The following SLC12A2 variants were observed in gnomAD, a reference collection of about 807,000 sequenced individuals.
SLC12A2 encodes Na-K-2Cl cotransporter 1.
A neutral mutation model predicts 136.3 loss-of-function variants in SLC12A2; 67 were observed. The ratio of observed to expected loss-of-function variants is 0.49; its 90% CI spans 0.40 to 0.60. The LOEUF is 0.60. Ranked by LOEUF, SLC12A2 falls within the 20% of genes least tolerant of loss-of-function variation. SLC12A2 has a pLI of 0.00. For missense variants in SLC12A2, 1,322 were observed against 1,534.7 expected (o/e 0.86, Z 2.32); for synonymous variants, 619 against 562.9 (o/e 1.10, Z -1.41).
At position 128,117,587 on chromosome 5, in the gene SLC12A2, A is replaced by G. The variant is rs560313000; in HGVS notation, c.1048+2906A>G. On this transcript the variant is annotated intron_variant, in intron 4 of 26. Coordinates refer to ENST00000262461, the MANE Select transcript of SLC12A2 (RefSeq NM_001046.3). ...AATATTCCAACTTTGTATGGTTCAAAGACTTAAATCTAAGACCTGAAACCA... is the reference window on the plus strand; with the variant it reads ...AATATTCCAACTTTGTATGGTTCAAGGACTTAAATCTAAGACCTGAAACCA... Among the ~76,000 whole-genome samples the G allele has an allele frequency of 2.0e-5, 3 of 152,342 alleles. No homozygotes were observed. The South Asian group carries it at 6.2e-4, about 32-fold the overall frequency.
intron 17 of SLC12A2, among the ~76,000 whole-genome samples, chr5:128,162,877 A>G (rs1196369697): frequency 2.0e-5 from 3 of 152,236 alleles, no homozygotes; most frequent in Non-Finnish European, 4.4e-5. Flanking sequence ...CATATGGCCC[A>G]GGATGGCTTT....
chr5:128,145,446 T>A (rs1041644569), intron 10 of SLC12A2, among the ~76,000 whole-genome samples: 1 of 152,086 alleles, frequency 6.6e-6, no homozygotes, highest in African/African-American at 2.4e-5. Context: ...CTTTACAATC[T>A]CCTTCCCTAA....
At chr5:128,163,556 G>A (rs371468405) in intron 17 of SLC12A2, among the ~76,000 whole-genome samples, 6 of 151,786 alleles carry the variant, frequency 4.0e-5, no homozygotes, top group South Asian at 2.1e-4. Flanking sequence ...TCATGGCAAC[G>A]TCATTTGTAA....
At chr5:128,122,696 A>T (rs552044313) in intron 4 of SLC12A2, among the ~76,000 whole-genome samples, 12 of 152,190 alleles carry the variant, frequency 7.9e-5, no homozygotes, top group African/African-American at 2.9e-4. Context: ...ATAAGGAAAA[A>T]CTTTTTCCAC....
At chr5:128,149,953 A>T in intron 12 of SLC12A2, 44 bp from the exon 13 acceptor site, 1 of 1,284,448 alleles carries the variant, frequency 7.8e-7, no homozygotes, top group Non-Finnish European at 1.1e-6. Flanking sequence ...TAAAAAGTTA[A>T]ATGTCTAATA....
In SLC12A2 at chr5:128,178,653, A is replaced by G; in HGVS notation, c.3064A>G (p.Asn1022Asp). ...STQFQKKQGK[N>D]TIDVWWLFDD... is the part of the protein sequence containing the mutation. Reference sequence around the variant, plus strand: ...ACAGTTTCAGAAAAAACAAGGAAAGAATACTATTGATGTCTGGTGGCTTTT... The same window carrying G: ...ACAGTTTCAGAAAAAACAAGGAAAGGATACTATTGATGTCTGGTGGCTTTT... The change falls in exon 22 of 27, where the codon AAT becomes GAT. Residue 1022 changes from asparagine (N) to aspartate (D), a missense_variant. This residue lies in a region of SLC12A2 where 226 missense variants were observed against 210.4 expected (regional missense o/e 1.07). Coordinates refer to ENST00000262461, the MANE Select transcript of SLC12A2 (RefSeq NM_001046.3). 2 of 1,595,994 alleles carry G rather than the reference A, an allele frequency of 1.3e-6. No homozygotes were observed. The highest frequency in any genetic ancestry group is 1.7e-6 in the Non-Finnish European group (2 of 1,172,510).
rs1434667267 is a variant in SLC12A2 at position 128,188,397 on chromosome 5, C to A, written c.*1766C>A. 6.7e-6 allele frequency: 1 copy of A among 148,376 alleles called. No homozygotes were observed. The highest frequency in any genetic ancestry group is 6.9e-5 in the Admixed American group (1 of 14,544). 9.2% of individuals were successfully genotyped at this position (148,376 alleles called of 1,614,324 possible). Reference sequence around the variant, plus strand: ...GCGACCTCCACCTCCCCAGTTCAAGCGATTCTCCTGCCTCAGCCTCCCTAG... The same window carrying A: ...GCGACCTCCACCTCCCCAGTTCAAGAGATTCTCCTGCCTCAGCCTCCCTAG... On this transcript the variant is annotated 3_prime_UTR_variant, in exon 27 of 27. Transcript: ENST00000262461.
chr5:128,129,208 C>T (rs1761925175), intron 4 of SLC12A2, among the ~76,000 whole-genome samples: 1 of 151,910 alleles, frequency 6.6e-6, no homozygotes, highest in Non-Finnish European at 1.5e-5. Context: ...TCAGGATATA[C>T]TTTGTTTTAA....
chr5:128,165,936 T>G (rs1763190265), intron 17 of SLC12A2, among the ~76,000 whole-genome samples: 1 of 102,968 alleles, frequency 9.7e-6, no homozygotes, highest in Non-Finnish European at 2.1e-5. Flanking sequence ...CCCCCCCCAG[T>G]TAAAAATATG....
At position 128,114,581 on chromosome 5, in the gene SLC12A2, TAA is replaced by T. The variant is rs777260215; in HGVS notation, c.953-3_953-2del. On this transcript the variant is annotated splice_region_variant and splice_polypyrimidine_tract_variant and intron_variant, in intron 3 of 26. Transcript: ENST00000262461. ...TATTCTCATTGTCTTTCTTTCTTCG[TAA>T]AGGTCTATCAGTCCTTGTAATAATG... 4.4e-6 allele frequency: 7 copies of T among 1,586,754 alleles called. No individual in the cohort carries two copies. The South Asian group carries it at 7.8e-5, about 18-fold the overall frequency.
chr5:128,149,888 T>G, intron 12 of SLC12A2, 109 bp from the exon 13 acceptor site: 2 of 749,682 alleles, frequency 2.7e-6, no homozygotes, highest in Non-Finnish European at 4.6e-6. Context: ...GAAAGCTGGA[T>G]GGTGGTTATG....
At chr5:128,090,596 CA>C (rs1295376997) in intron 1 of SLC12A2, among the ~76,000 whole-genome samples, 1 of 151,924 alleles carries the variant, frequency 6.6e-6, no homozygotes, top group Non-Finnish European at 1.5e-5. Context: ...CGGTAGGAGA[CA>C]ATAAACAAAC....
At position 128,084,850 on chromosome 5, in the gene SLC12A2, A is replaced by G. The variant is rs1760026913; in HGVS notation, c.756+140A>G. Reference sequence around the variant, plus strand: ...GCTGGCATCTCTGGATTCAGCTGTCAAGGGTGGAATTGCCGAGGAATGTTA... The same window carrying G: ...GCTGGCATCTCTGGATTCAGCTGTCGAGGGTGGAATTGCCGAGGAATGTTA... On this transcript the variant is annotated intron_variant, in intron 1 of 26. Coordinates refer to ENST00000262461, the MANE Select transcript of SLC12A2 (RefSeq NM_001046.3). The surrounding 1 kb of genome is among the most constrained non-coding windows in gnomAD (Gnocchi z 5.6). The G allele has an allele frequency of 9.7e-7, 1 of 1,032,802 alleles. No homozygotes were observed. The highest frequency in any genetic ancestry group is 1.4e-6 in the Non-Finnish European group (1 of 732,732). The allele number at this position is 1,032,802 out of a possible 1,614,324, so 64.0% of individuals were successfully genotyped here.
At chr5:128,156,263 T>C (rs965165438) in intron 15 of SLC12A2, among the ~76,000 whole-genome samples, 1 of 152,204 alleles carries the variant, frequency 6.6e-6, no homozygotes, top group African/African-American at 2.4e-5. Context: ...ATTTCATTTT[T>C]TTCTGATTTG....
chr5:128,144,850 C>T (rs1161064927), intron 10 of SLC12A2, among the ~76,000 whole-genome samples: 2 of 152,152 alleles, frequency 1.3e-5, no homozygotes, highest in African/African-American at 2.4e-5. Context: ...CTTCAACACA[C>T]ACCCCCACAC....
chr5:128,114,889 T>A lies in SLC12A2; in HGVS notation c.1048+208T>A, dbSNP rs3816006. Among the ~76,000 whole-genome samples, 52,859 of 152,042 alleles carry A rather than the reference T, an allele frequency of 0.35. 11,894 individuals are homozygous for A. Among genetic ancestry groups the A allele is most frequent in the African/African-American group, 0.64 (26,469 of 41,452 alleles). The stretch of plus-strand genomic sequence containing the variant: ...ACACATAAGCTTTTAAGTTATTCAG[T>A]GTGTCTCGTAGCAAGAATGGAGCAT... On this transcript the variant is annotated intron_variant, in intron 4 of 26. Transcript: ENST00000262461.
chr5:128,112,527 A>G (rs1310076908), intron 1 of SLC12A2, among the ~76,000 whole-genome samples: 2 of 152,196 alleles, frequency 1.3e-5, no homozygotes, highest in Non-Finnish European at 2.9e-5. Context: ...AACAGGAGTC[A>G]TTGTTTCCTC....
At chr5:128,123,379 AC>A (rs1378429624) in intron 4 of SLC12A2, among the ~76,000 whole-genome samples, 12 of 152,098 alleles carry the variant, frequency 7.9e-5, no homozygotes, top group African/African-American at 2.9e-4. Flanking sequence ...CATTATTGTC[AC>A]CCTTTGATTC....
intron 15 of SLC12A2, among the ~76,000 whole-genome samples, chr5:128,156,943 G>T (rs185320110): frequency 1.3e-5 from 2 of 152,146 alleles, no homozygotes; most frequent in Non-Finnish European, 2.9e-5. Flanking sequence ...GAAATATACT[G>T]TCTGGCTAAG....
Sources: allele counts gnomAD v4.1 joint callset (sites outside exome capture counted in the v4.1 genomes callset), GRCh38; gene constraint gnomAD v4.1.1; regional missense constraint gnomAD v4.1.1; non-coding constraint Gnocchi (gnomAD v3.1); transcripts MANE v1.5; gene names NCBI Gene and HGNC (gene_info 2026-07-23, HGNC 2026-07-21).